Variants in F5 observed in about 807,000 individuals in gnomAD.
F5 encodes the protein activated protein c cofactor.
F5 carries 138 observed loss-of-function variants against 216.4 expected under a neutral mutation model. The ratio of observed to expected loss-of-function variants is 0.64; its 90% confidence interval spans 0.56 to 0.73. F5 has a LOEUF of 0.73. Ranked by LOEUF, F5 falls within the 30% of genes least tolerant of loss-of-function variation. F5 has a pLI of 0.00. For missense variants in F5, 2,403 were observed against 2,674.0 expected (o/e 0.90, Z 2.24); for synonymous variants, 916 against 930.7 (o/e 0.98, Z 0.29).
chr1:169,532,331 C>T (rs72708039), intron 14 of F5, among the ~76,000 whole-genome samples: 2 of 151,976 alleles, frequency 1.3e-5, no homozygotes, highest in Admixed American at 1.3e-4. Flanking sequence ...CAACATAGTA[C>T]TGGAAATTCT....
intron 3 of F5, among the ~76,000 whole-genome samples, chr1:169,565,332 G>A (rs1379436505): frequency 6.6e-6 from 1 of 151,886 alleles, no homozygotes; most frequent in Non-Finnish European, 1.5e-5. Flanking sequence ...GCACATTTTG[G>A]TCACCCAAGT....
chr1:169,559,483 A>G (rs1255986949), intron 4 of F5, among the ~76,000 whole-genome samples, 187 bp from the exon 5 acceptor site: 1 of 152,160 alleles, frequency 6.6e-6, no homozygotes, highest in East Asian at 1.9e-4. Flanking sequence ...ATCTGGTGCC[A>G]CACTGTCTTC....
At chr1:169,540,182 A>C (rs2101817313) in intron 13 of F5, 112 bp downstream of exon 13, 1 of 1,168,270 alleles carries the variant, frequency 8.6e-7, no homozygotes, top group Non-Finnish European at 1.2e-6. Flanking sequence ...CAATAGGGGA[A>C]CCACACTGTT....
intron 17 of F5, among the ~76,000 whole-genome samples, chr1:169,527,133 T>C (rs148014212): frequency 1.7e-3 from 262 of 152,244 alleles, no homozygotes; most frequent in African/African-American, 6.0e-3. Flanking sequence ...GTTTTTGCCA[T>C]TACTTTTAAT....
Position 169,540,419 on chromosome 1 carries a change from G to A in F5, c.4671C>T (p.Asn1557=). The A allele has an allele frequency of 6.2e-7, 1 of 1,614,032 alleles. No individual in the cohort carries two copies. The highest frequency in any genetic ancestry group is 8.5e-7 in the Non-Finnish European group (1 of 1,179,942). Residue 1557 remains asparagine, a synonymous_variant, in exon 13 of 25, where the codon AAC becomes AAT. Coordinates refer to ENST00000367797, the MANE Select transcript of F5 (RefSeq NM_000130.5). ...DDPYKTDVRT[N]INSSRDPDNI... ...TGTCAGGATCTCTGGAGGAGTTGATGTTTGTCCTAACATCAGTTTTGTAGG... is the reference window on the plus strand; with the variant it reads ...TGTCAGGATCTCTGGAGGAGTTGATATTTGTCCTAACATCAGTTTTGTAGG...
rs1660401347 is a variant in F5, at chr1:169,559,186, T to C, written c.697A>G (p.Thr233Ala). Residue 233 changes from threonine (T) to alanine (A), a missense_variant, in exon 5 of 25, where the codon ACA (threonine) becomes GCA (alanine). Transcript: ENST00000367797. ...SWSQSSSLMY[T>A]VNGYVNGTMP... ...GTCCCATTCACATATCCATTGACTG[T>C]GTACATTAGGGATGATGACTGGCTC... 6.2e-7 allele frequency: 1 copy of C among 1,613,772 alleles called. No individual in the cohort carries two copies. The highest frequency in any genetic ancestry group is 8.5e-7 in the Non-Finnish European group (1 of 1,179,766).
At chr1:169,560,048 G>C (rs962042673) in intron 4 of F5, among the ~76,000 whole-genome samples, 3 of 152,018 alleles carry the variant, frequency 2.0e-5, no homozygotes, top group African/African-American at 4.8e-5. Context: ...GCCAATAAAA[G>C]TTCTTGTAAA....
In F5 at chr1:169,536,608, G is replaced by A; in HGVS notation, c.4869C>T (p.Tyr1623=). ...TTYKKVVFRK[Y]LDSTFTKRDP... ...CACGTTTGGTAAAAGTGCTGTCGAG[G>A]TACTTTCGAAAAACTACTTTCTTAT... is the stretch of plus-strand genomic sequence containing the variant. The change falls in exon 14 of 25, where the codon TAC becomes TAT. Residue 1623 remains tyrosine, a synonymous_variant. Coordinates refer to ENST00000367797, the MANE Select transcript of F5 (RefSeq NM_000130.5). The A allele has an allele frequency of 6.2e-7, 1 of 1,613,430 alleles. No individual in the cohort carries two copies. Among genetic ancestry groups the A allele is most frequent in the Non-Finnish European group, 8.5e-7 (1 of 1,179,530 alleles).
intron 24 of F5, among the ~76,000 whole-genome samples, chr1:169,514,794 A>G (rs1415116648): frequency 6.6e-6 from 1 of 152,178 alleles, no homozygotes; most frequent in Non-Finnish European, 1.5e-5. Context: ...TCATCTCACC[A>G]GTGATCTGAC....
intron 15 of F5, 29 bp downstream of exon 15, chr1:169,530,757 T>G: frequency 9.5e-6 from 15 of 1,582,944 alleles, no homozygotes; most frequent in Non-Finnish European, 1.2e-5. Flanking sequence ...GTTAGGGGAA[T>G]GAGAAAAACT....
At position 169,549,960 on chromosome 1, in the gene F5, C is replaced by G. The variant is rs139213790; in HGVS notation, c.1452G>C (p.Lys484Asn). ...GTTCATCAAACTCTAAGATGTTCCACTTATAAGTATAGGTTTCCCCTGGTT... is the reference window on the plus strand; with the variant it reads ...GTTCATCAAACTCTAAGATGTTCCAGTTATAAGTATAGGTTTCCCCTGGTT... ...AVQPGETYTY[K>N]WNILEFDEPT... Residue 484 changes from lysine to asparagine, a missense_variant, in exon 10 of 25, where the codon AAG becomes AAC. By Grantham distance (94) the Lys-to-Asn change is moderately conservative (BLOSUM62 0). Transcript: ENST00000367797. 35 of 1,614,014 alleles carry G rather than the reference C, an allele frequency of 2.2e-5. No individual in the cohort carries two copies. In the African/African-American group the frequency reaches 3.7e-4, roughly 17 times the overall value.
rs761713318 is a variant in F5, at chr1:169,540,967, G to C, written c.4123C>G (p.Leu1375Val). The change falls in exon 13 of 25, where the codon CTC (leucine) becomes GTC (valine). Residue 1375 changes from leucine (L) to valine (V), a missense_variant. Physicochemically the swap from Leu to Val is conservative, Grantham distance 32. Transcript: ENST00000367797. Reference sequence around the variant, plus strand: ...TTTGTCTGACTGAGTTCTGGAGAGAGGTTTGTCTGGCTGAGGTCTAGAGAA... The same window carrying C: ...TTTGTCTGACTGAGTTCTGGAGAGACGTTTGTCTGGCTGAGGTCTAGAGAA... ...TLSLDLSQTN[L>V]SPELSQTNLS... 1.3e-6 allele frequency: 2 copies of C among 1,595,830 alleles called. No individual in the cohort carries two copies. Among genetic ancestry groups the C allele is most frequent in the South Asian group, 2.2e-5 (2 of 90,386 alleles).
chr1:169,580,757 G>C (rs1660968809), intron 2 of F5, among the ~76,000 whole-genome samples: 1 of 152,046 alleles, frequency 6.6e-6, no homozygotes, highest in Non-Finnish European at 1.5e-5. Flanking sequence ...CACATGTGAA[G>C]ACTATATAAA....
chr1:169,575,136 A>C (rs1166326133), intron 2 of F5, among the ~76,000 whole-genome samples: 1 of 152,214 alleles, frequency 6.6e-6, no homozygotes, highest in Non-Finnish European at 1.5e-5. Context: ...ATTGGAGGTG[A>C]GTTGGGGAAT....
intron 8 of F5, among the ~76,000 whole-genome samples, chr1:169,551,572 G>C (rs1327076892): frequency 1.3e-5 from 2 of 151,994 alleles, no homozygotes; most frequent in African/African-American, 4.8e-5. Context: ...AGGGAAAGAG[G>C]CATGGAGAAA....
chr1:169,547,672 T>C (rs1001777694), intron 10 of F5, among the ~76,000 whole-genome samples: 13 of 151,732 alleles, frequency 8.6e-5, no homozygotes, highest in Admixed American at 2.0e-4. Flanking sequence ...ATGGCTATTA[T>C]TAAAAAGTCA....
chr1:169,561,608 G>A (rs550540694), intron 3 of F5, among the ~76,000 whole-genome samples: 30 of 152,180 alleles, frequency 2.0e-4, no homozygotes, highest in African/African-American at 7.0e-4. Context: ...AGAGCCAAGT[G>A]GAATGAACAG....
chr1:169,575,665 G>T (rs540401223), intron 2 of F5, among the ~76,000 whole-genome samples: 1 of 152,136 alleles, frequency 6.6e-6, no homozygotes, highest in East Asian at 1.9e-4. Context: ...TTGGATGTGG[G>T]GTAGAGAATA....
Position 169,524,190 on chromosome 1 carries a change from C to T in F5, c.5789-286G>A, listed in dbSNP as rs1571561372. ...CCTAATGCTGAATGTGCCTGCCTAA[C>T]AGGAAGACATGGAAGGGTATATGGG... On this transcript the variant is annotated intron_variant, in intron 19 of 24. Transcript: ENST00000367797. Among the ~76,000 whole-genome samples, 8 of 152,294 alleles carry T rather than the reference C, an allele frequency of 5.3e-5. 1 individual carries two copies. Among genetic ancestry groups the T allele is most frequent in the Admixed American group, 5.2e-4 (8 of 15,294 alleles).
Sources: gnomAD v4.1 joint callset for allele counts (sites outside exome capture counted in the v4.1 genomes callset) on GRCh38, gnomAD v4.1.1 for gene constraint, MANE v1.5 for transcripts, NCBI Gene and HGNC (gene_info 2026-07-23, HGNC 2026-07-21) for gene names.